Variants in RPS6KA3 observed in about 807,000 individuals in gnomAD.
RPS6KA3 encodes the protein ribosomal protein S6 kinase A3, also known as ribosomal protein S6 kinase alpha-3.
Under a neutral mutation model 67.2 loss-of-function variants are expected in RPS6KA3, and 4 were observed. The ratio of observed to expected loss-of-function variants is 0.06; its 90% confidence interval spans 0.03 to 0.14. The LOEUF (loss-of-function observed/expected upper bound fraction) is 0.14, where lower values mean the gene tolerates loss of function less well. Ranked by LOEUF, RPS6KA3 falls within the 10% of genes least tolerant of loss-of-function variation. The pLI is 1.00. For synonymous variants in RPS6KA3, 182 were observed against 183.7 expected (o/e 0.99, Z 0.07); for missense variants, 204 against 559.0 (o/e 0.36, Z 6.40).
chrX:20,186,389 G>T (rs747671277), intron 9 of RPS6KA3, 23 bp from the exon 10 acceptor site: 6 of 966,486 alleles, frequency 6.2e-6, no homozygotes, highest in Non-Finnish European at 8.8e-6. Context: ...AAAATAATCA[G>T]AAGTGTTAGT....
intron 2 of RPS6KA3, among the ~76,000 whole-genome samples, chrX:20,219,651 G>A (rs2068942009): frequency 9.0e-6 from 1 of 111,603 alleles, no homozygotes; most frequent in Non-Finnish European, 1.9e-5. Flanking sequence ...CACTTAAGAA[G>A]CCATGTTGGA....
chrX:20,256,919 C>A lies in RPS6KA3; in HGVS notation c.69+9645G>T, dbSNP rs1293954104. Among the ~76,000 whole-genome samples the A allele has an allele frequency of 7.1e-5, 8 of 111,908 alleles. No individual in the cohort carries two copies. The East Asian group carries it at 1.1e-3, about 16-fold the overall frequency. On this transcript the variant is annotated intron_variant, in intron 1 of 21. Coordinates refer to ENST00000379565, the MANE Select transcript of RPS6KA3 (RefSeq NM_004586.3). ...GCTACCCATGTAAACTACCTGGAAC[C>A]TTTTTCCCCTGTAGCAGATTTCATT...
intron 4 of RPS6KA3, among the ~76,000 whole-genome samples, chrX:20,197,734 T>G: frequency 8.9e-6 from 1 of 111,946 alleles, no homozygotes; most frequent in Non-Finnish European, 1.9e-5. Flanking sequence ...TGTAAAGACC[T>G]AGTGACAATT....
intron 10 of RPS6KA3, among the ~76,000 whole-genome samples, chrX:20,182,144 T>C (rs1378799572): frequency 8.9e-6 from 1 of 111,864 alleles, no homozygotes; most frequent in Non-Finnish European, 1.9e-5. Flanking sequence ...ACAAACTGAA[T>C]AGTTATCTGG....
chrX:20,266,695 C>G lies in RPS6KA3; in HGVS notation c.-63G>C. The G allele has an allele frequency of 1.2e-6, 1 of 847,022 alleles. No homozygotes were observed. Among genetic ancestry groups the G allele is most frequent in the African/African-American group, 2.2e-5 (1 of 46,139 alleles). The allele number at this position is 847,022 out of a possible 1,213,427, so 69.8% of individuals were successfully genotyped here. A position where few individuals can be genotyped will look rare whatever the true frequency, so the allele number is the denominator to read the frequency against. On this transcript the variant is annotated 5_prime_UTR_variant, in exon 1 of 22. Coordinates refer to ENST00000379565, the MANE Select transcript of RPS6KA3 (RefSeq NM_004586.3). ...TCCCCGCCCGCCCCACGGCCGGCCC[C>G]GCTCCGTCGCCGCCCGAGCCCCACG...
intron 3 of RPS6KA3, among the ~76,000 whole-genome samples, chrX:20,205,525 G>A (rs1050133129): frequency 2.2e-4 from 25 of 112,016 alleles, no homozygotes; most frequent in Non-Finnish European, 7.5e-5. Context: ...CACAACTCGC[G>A]GAGAAACCCT....
intron 10 of RPS6KA3, among the ~76,000 whole-genome samples, chrX:20,184,053 A>AT (rs909389109): frequency 1.8e-4 from 20 of 111,332 alleles, no homozygotes; most frequent in Non-Finnish European, 2.6e-4. Flanking sequence ...TTACTTTTTT[A>AT]TTTTTTTTAT....
At chrX:20,221,265 T>C (rs1490850291) in intron 2 of RPS6KA3, among the ~76,000 whole-genome samples, 2 of 111,909 alleles carry the variant, frequency 1.8e-5, no homozygotes, top group African/African-American at 6.5e-5. Context: ...GTTGTGCACA[T>C]GAAACTAGAT....
chrX:20,240,518 A>G, intron 1 of RPS6KA3: 2 of 489,829 alleles, frequency 4.1e-6, no homozygotes, highest in Non-Finnish European at 5.0e-6. Context: ...CAATGAAACA[A>G]TAAGAAACAA....
chrX:20,172,420 A>T (rs1289666127), intron 15 of RPS6KA3, among the ~76,000 whole-genome samples: 3 of 111,877 alleles, frequency 2.7e-5, no homozygotes, highest in African/African-American at 6.5e-5. Flanking sequence ...AATTTTGCAC[A>T]CAATTTTGAG....
chrX:20,256,832 A>G (rs1298424259), intron 1 of RPS6KA3, among the ~76,000 whole-genome samples: 1 of 111,813 alleles, frequency 8.9e-6, no homozygotes, highest in Non-Finnish European at 1.9e-5. Context: ...ACATACATAC[A>G]TATATTTATA....
rs149328999 is a variant in RPS6KA3, at chrX:20,228,285, A to T, written c.126+6473T>A. 6.9e-3 allele frequency among the ~76,000 whole-genome samples: 773 copies of T among 111,950 alleles called. 7 individuals are homozygous for T. Among genetic ancestry groups the T allele is most frequent in the African/African-American group, 0.024 (750 of 30,776 alleles). Reference sequence around the variant, plus strand: ...GGCATTAGGAAGTGGCCTGGAAGTTATTGGCTTGTCAACTGGGAGGCTTTC... The same window carrying T: ...GGCATTAGGAAGTGGCCTGGAAGTTTTTGGCTTGTCAACTGGGAGGCTTTC... On this transcript the variant is annotated intron_variant, in intron 2 of 21. Coordinates refer to ENST00000379565, the MANE Select transcript of RPS6KA3 (RefSeq NM_004586.3).
intron 17 of RPS6KA3, among the ~76,000 whole-genome samples, chrX:20,167,375 T>C (rs1054589042): frequency 1.8e-5 from 2 of 111,805 alleles, no homozygotes; most frequent in East Asian, 2.8e-4. Flanking sequence ...TACTTTTTCT[T>C]GGAAGCACAA....
At chrX:20,191,044 C>T (rs959719367) in intron 7 of RPS6KA3, among the ~76,000 whole-genome samples, 8 of 110,296 alleles carry the variant, frequency 7.3e-5, no homozygotes, top group South Asian at 3.9e-4. Flanking sequence ...TGACAGGCCC[C>T]GGTGTGTGGT....
At chrX:20,250,395 A>G (rs2069831058) in intron 1 of RPS6KA3, among the ~76,000 whole-genome samples, 1 of 111,112 alleles carries the variant, frequency 9.0e-6, no homozygotes. Context: ...GGGCCTTGCT[A>G]TATTGCCCAG....
Position 20,248,677 on chromosome X carries a change from T to C in RPS6KA3, c.70-13863A>G, listed in dbSNP as rs752452869. Among the ~76,000 whole-genome samples the C allele has an allele frequency of 7.3e-4, 81 of 111,549 alleles. No homozygotes were observed. The South Asian group carries it at 0.011, about 16-fold the overall frequency. ...TTTTGTATAAACTTTTTTTCTTACA[T>C]TTTATTTAGACATGATCAAATGATC... On this transcript the variant is annotated intron_variant, in intron 1 of 21. Transcript: ENST00000379565.
intron 2 of RPS6KA3, among the ~76,000 whole-genome samples, chrX:20,226,865 C>G (rs183618856): frequency 1.8e-5 from 2 of 111,696 alleles, no homozygotes; most frequent in Admixed American, 9.5e-5. Flanking sequence ...TTACAGATGA[C>G]TTGGCACTCA....
chrX:20,235,681 G>C (rs772816973), intron 1 of RPS6KA3, among the ~76,000 whole-genome samples: 3 of 111,355 alleles, frequency 2.7e-5, no homozygotes, highest in African/African-American at 6.5e-5. Flanking sequence ...ACGAGGGTAC[G>C]GGGGAGAGAG....
At chrX:20,206,956 G>A (rs1037720179) in intron 3 of RPS6KA3, among the ~76,000 whole-genome samples, 1 of 112,164 alleles carries the variant, frequency 8.9e-6, no homozygotes, top group South Asian at 3.7e-4. Flanking sequence ...AACTGATGCT[G>A]GAGAGGTAGC....
Sources: allele counts gnomAD v4.1 joint callset (sites outside exome capture counted in the v4.1 genomes callset), GRCh38; gene constraint gnomAD v4.1.1; transcripts MANE v1.5; gene names NCBI Gene and HGNC (gene_info 2026-07-23, HGNC 2026-07-21).